Variants in RBFOX1 observed in about 807,000 individuals in gnomAD.
The protein encoded by RBFOX1 is RNA binding protein fox-1 homolog 1.
In RBFOX1, 8 loss-of-function variants were observed where a neutral mutation model predicts 57.7. The ratio of observed to expected loss-of-function variants is 0.14; its 90% CI spans 0.08 to 0.25. RBFOX1 has a LOEUF of 0.25. Ranked by LOEUF, RBFOX1 falls within the 10% of genes least tolerant of loss-of-function variation. The pLI is 1.00. For missense variants in RBFOX1, 611 were observed against 548.5 expected, an observed-to-expected ratio of 1.11 and a Z score of -1.14; for synonymous variants, 326 against 222.4, an observed-to-expected ratio of 1.47 and a Z score of -4.15.
intron 4 of RBFOX1, among the ~76,000 whole-genome samples, chr16:5,924,602 G>T (rs1309250557): frequency 6.6e-6 from 1 of 152,146 alleles, no homozygotes; most frequent in East Asian, 1.9e-4. Context: ...GTAGCCTGAA[G>T]CCCTCAGCAG....
chr16:6,709,982 C>G (rs571072969), intron 3 of RBFOX1, among the ~76,000 whole-genome samples: 1 of 152,196 alleles, frequency 6.6e-6, no homozygotes, highest in South Asian at 2.1e-4. Context: ...GCCACCTGTG[C>G]TCAATGTGAA....
At chr16:5,421,784 A>G (rs1186956410) in intron 1 of RBFOX1, among the ~76,000 whole-genome samples, 1 of 152,214 alleles carries the variant, frequency 6.6e-6, no homozygotes, top group Admixed American at 6.5e-5. Flanking sequence ...ACTCATCCAG[A>G]TGAGCCTAAG....
chr16:7,034,790 T>C (rs1481882937), intron 3 of RBFOX1, among the ~76,000 whole-genome samples: 1 of 149,302 alleles, frequency 6.7e-6, no homozygotes, highest in Non-Finnish European at 1.5e-5. Flanking sequence ...AATTTCTAAT[T>C]CACTTGGTCT....
At chr16:7,077,743 G>A (rs999017189) in intron 4 of RBFOX1, among the ~76,000 whole-genome samples, 1 of 152,154 alleles carries the variant, frequency 6.6e-6, no homozygotes, top group African/African-American at 2.4e-5. Flanking sequence ...AGTATTAGTC[G>A]TATTAAACTT....
intron 4 of RBFOX1, among the ~76,000 whole-genome samples, chr16:7,291,388 C>G (rs35378747): frequency 0.13 from 19,258 of 152,058 alleles, 1,579 homozygotes; most frequent in Middle Eastern, 0.22. Flanking sequence ...TCCCCCTTTT[C>G]TAAAAATCTA....
At chr16:6,777,993 C>G (rs756346777) in intron 3 of RBFOX1, among the ~76,000 whole-genome samples, 3 of 152,086 alleles carry the variant, frequency 2.0e-5, no homozygotes, top group East Asian at 1.9e-4. Context: ...GTTTAAAACT[C>G]ATATAAATAT....
At chr16:7,693,405 G>C in intron 14 of RBFOX1, 1 of 1,211,154 alleles carries the variant, frequency 8.3e-7, no homozygotes, top group Non-Finnish European at 1.2e-6. Flanking sequence ...ATCCATCCAA[G>C]TCTCAGTATC....
chr16:5,376,514 G>A (rs2065987424), intron 1 of RBFOX1, among the ~76,000 whole-genome samples: 1 of 152,198 alleles, frequency 6.6e-6, no homozygotes, highest in Non-Finnish European at 1.5e-5. Flanking sequence ...AGCAGACAGG[G>A]CAGTGGGAGA....
At chr16:5,528,291 G>C (rs1297935976) in intron 2 of RBFOX1, among the ~76,000 whole-genome samples, 4 of 152,084 alleles carry the variant, frequency 2.6e-5, no homozygotes, top group Non-Finnish European at 4.4e-5. Flanking sequence ...AGGACCTGCA[G>C]ATTTCTGGCC....
intron 4 of RBFOX1, among the ~76,000 whole-genome samples, chr16:7,229,699 G>C (rs577663449): frequency 1.2e-5 from 1 of 82,582 alleles, no homozygotes; most frequent in African/African-American, 4.0e-5. Flanking sequence ...AGGAAGAGGG[G>C]AAGGAAGGAA....
intron 3 of RBFOX1, among the ~76,000 whole-genome samples, chr16:6,873,031 C>G (rs556703712): frequency 5.3e-5 from 8 of 151,680 alleles, no homozygotes; most frequent in Non-Finnish European, 1.0e-4. Context: ...GCAGTGTGTT[C>G]TATATTCTCA....
At chr16:5,928,881 G>C (rs904432349) in intron 4 of RBFOX1, among the ~76,000 whole-genome samples, 1 of 152,034 alleles carries the variant, frequency 6.6e-6, no homozygotes, top group East Asian at 1.9e-4. Flanking sequence ...AACAGCCTCT[G>C]TGACAGCCCA....
chr16:7,293,763 A>G (rs962332767), intron 4 of RBFOX1, among the ~76,000 whole-genome samples: 6 of 152,178 alleles, frequency 3.9e-5, no homozygotes, highest in African/African-American at 1.4e-4. Context: ...AGTTTTGCAG[A>G]TAAACCTAGT....
At chr16:7,694,508 G>A (rs187247782) in intron 14 of RBFOX1, among the ~76,000 whole-genome samples, 30 of 152,322 alleles carry the variant, frequency 2.0e-4, no homozygotes, top group Non-Finnish European at 3.5e-4. Flanking sequence ...AGTCTTACCT[G>A]GTGAGTTCAA....
At chr16:6,842,586 ATACT>A (rs1043336370) in intron 3 of RBFOX1, among the ~76,000 whole-genome samples, 9 of 150,510 alleles carry the variant, frequency 6.0e-5, no homozygotes, top group Admixed American at 6.0e-4. Context: ...TTGTATAGAC[ATACT>A]TAATTTATGT....
chr16:6,847,469 G>T (rs1041314930), intron 3 of RBFOX1, among the ~76,000 whole-genome samples: 1 of 152,018 alleles, frequency 6.6e-6, no homozygotes, highest in African/African-American at 2.4e-5. Context: ...GAGCCACAGG[G>T]GGTGGGCTGG....
chr16:7,484,036 C>G (rs1028472163), intron 4 of RBFOX1, among the ~76,000 whole-genome samples: 7 of 152,164 alleles, frequency 4.6e-5, no homozygotes, highest in African/African-American at 1.7e-4. Flanking sequence ...AAGTATTAAT[C>G]AGCTTTCTGT....
Position 5,818,529 on chromosome 16 carries a change from C to T in RBFOX1, c.319-48774C>T, listed in dbSNP as rs17138694. 2.1e-4 allele frequency among the ~76,000 whole-genome samples: 32 copies of T among 152,278 alleles called. No homozygotes were observed. In the East Asian group the frequency reaches 5.6e-3, roughly 27 times the overall value. ...TAGGCTCACCTTCTGAAATCCGTCT[C>T]GGAAGACACAAGGAACCTCTGAATT... is the stretch of plus-strand genomic sequence containing the variant. On this transcript the variant is annotated intron_variant, in intron 3 of 19. Coordinates refer to the RBFOX1 transcript ENST00000641259.
At chr16:7,567,590 G>T (rs1481645771) in intron 5 of RBFOX1, among the ~76,000 whole-genome samples, 4 of 56,368 alleles carry the variant, frequency 7.1e-5, no homozygotes, top group African/African-American at 1.8e-4. Flanking sequence ...CCTATATATG[G>T]CCCTATATAT....
Sources: allele counts gnomAD v4.1 joint callset (sites outside exome capture counted in the v4.1 genomes callset), GRCh38; gene constraint gnomAD v4.1.1; transcripts MANE v1.5; gene names NCBI Gene and HGNC (gene_info 2026-07-23, HGNC 2026-07-21).